CRYBG1: variants seen among roughly 807,000 people sequenced by gnomAD.
The protein encoded by CRYBG1 is crystallin beta-gamma domain containing 1.
Under a neutral mutation model 189.2 loss-of-function variants are expected in CRYBG1, and 139 were observed. The ratio of observed to expected loss-of-function variants is 0.73; its 90% CI spans 0.64 to 0.85. The LOEUF (loss-of-function observed/expected upper bound fraction) is 0.85. Ranked by LOEUF, CRYBG1 falls within the 40% of genes least tolerant of loss-of-function variation. CRYBG1 has a pLI of 0.00. For missense variants in CRYBG1, 2,611 were observed against 2,675.8 expected, an observed-to-expected ratio of 0.98 and a Z score of 0.53; for synonymous variants, 1,023 against 1,017.1, an observed-to-expected ratio of 1.01 and a Z score of -0.11.
intron 2 of CRYBG1, among the ~76,000 whole-genome samples, chr6:106,483,402 A>ATATATATGTATATATATAT (rs1361096436): frequency 1.1e-5 from 1 of 88,296 alleles, no homozygotes; most frequent in Admixed American, 1.3e-4. Context: ...ATATATATAT[A>ATATATATGTATATATATAT]AAACATTTTC....
At chr6:106,474,900 T>C (rs999586195) in intron 2 of CRYBG1, among the ~76,000 whole-genome samples, 6 of 152,212 alleles carry the variant, frequency 3.9e-5, no homozygotes, top group African/African-American at 1.4e-4. Context: ...TTTAAACATA[T>C]GGTATGTGAG....
At chr6:106,373,078 A>G (rs141895637) in intron 1 of CRYBG1, among the ~76,000 whole-genome samples, 108 of 152,200 alleles carry the variant, frequency 7.1e-4, no homozygotes, top group African/African-American at 2.3e-3. Flanking sequence ...GTAGGTACCC[A>G]TTTACTCTCA....
chr6:106,533,848 G>T (rs1773931022), intron 8 of CRYBG1, among the ~76,000 whole-genome samples: 2 of 152,216 alleles, frequency 1.3e-5, no homozygotes, highest in Admixed American at 1.3e-4. Flanking sequence ...TGAGGCTGGA[G>T]TTCAGGGGAG....
At chr6:106,482,823 A>G (rs1030582919) in intron 2 of CRYBG1, among the ~76,000 whole-genome samples, 3 of 151,680 alleles carry the variant, frequency 2.0e-5, no homozygotes, top group Non-Finnish European at 4.4e-5. Context: ...AATTCTTCCT[A>G]CCACAAATAT....
chr6:106,361,845 T>C (rs1419152154), intron 1 of CRYBG1, among the ~76,000 whole-genome samples: 1 of 152,168 alleles, frequency 6.6e-6, no homozygotes, highest in African/African-American at 2.4e-5. Context: ...TTTATAGTGA[T>C]GGACAATTGA....
chr6:106,444,098 T>C (rs971350600), intron 1 of CRYBG1, among the ~76,000 whole-genome samples: 2 of 152,200 alleles, frequency 1.3e-5, no homozygotes, highest in Non-Finnish European at 2.9e-5. Context: ...AAATACCCTC[T>C]TTTGCATTAT....
intron 1 of CRYBG1, among the ~76,000 whole-genome samples, chr6:106,405,632 G>A (rs900637380): frequency 1.3e-5 from 2 of 152,212 alleles, no homozygotes; most frequent in Non-Finnish European, 2.9e-5. Flanking sequence ...TCATACAGGA[G>A]AGCTCTGGCT....
At chr6:106,519,080 C>T (rs1773516341) in intron 3 of CRYBG1, 51 bp from the exon 4 acceptor site, 3 of 1,539,128 alleles carry the variant, frequency 1.9e-6, no homozygotes, top group South Asian at 1.3e-5. Flanking sequence ...TTTGTGTGTT[C>T]ACTTTTTAAA....
intron 2 of CRYBG1, among the ~76,000 whole-genome samples, chr6:106,497,813 G>A (rs1164879700): frequency 1.3e-5 from 2 of 152,208 alleles, no homozygotes; most frequent in African/African-American, 4.8e-5. Context: ...AGCTGAGGCT[G>A]GGCGCAGTGG....
At chr6:106,465,244 C>T (rs1048652628) in intron 2 of CRYBG1, among the ~76,000 whole-genome samples, 1 of 152,162 alleles carries the variant, frequency 6.6e-6, no homozygotes, top group African/African-American at 2.4e-5. Flanking sequence ...TATTACAGTG[C>T]CTGGCATATA....
intron 1 of CRYBG1, among the ~76,000 whole-genome samples, chr6:106,375,398 TAA>T (rs1770133674): frequency 5.3e-5 from 7 of 131,814 alleles, no homozygotes; most frequent in South Asian, 2.4e-4. Flanking sequence ...AGTAAGTAAG[TAA>T]GTAAGTAAGT....
At chr6:106,466,412 G>A (rs1021500051) in intron 2 of CRYBG1, among the ~76,000 whole-genome samples, 1 of 152,192 alleles carries the variant, frequency 6.6e-6, no homozygotes, top group African/African-American at 2.4e-5. Context: ...CATTCTGCCA[G>A]TGGCTTATCC....
chr6:106,440,777 G>A (rs62420832), intron 1 of CRYBG1, among the ~76,000 whole-genome samples: 15,865 of 152,216 alleles, frequency 0.1, 1,025 homozygotes, highest in Middle Eastern at 0.17. Flanking sequence ...GTTACAGCCT[G>A]TGAAAAATTC....
At position 106,511,853 on chromosome 6, in the gene CRYBG1, C is replaced by A. The variant is rs977032275; in HGVS notation, c.736C>A (p.Pro246Thr). ...TCTGGAGGCAGAGGGAGAGCCTTTC[C>A]CAGATGCCACCACCACTGCCAAGCA... ...EPLEAEGEPF[P>T]DATTTAKQLH... The change falls in exon 3 of 22, where the codon CCA (proline) becomes ACA (threonine). Residue 246 changes from proline (P) to threonine (T), a missense_variant. This residue lies in a region of CRYBG1 where 985 missense variants were observed against 924.4 expected (regional missense o/e 1.07). Coordinates refer to ENST00000633556, the MANE Select transcript of CRYBG1 (RefSeq NM_001371242.2). 1 of 1,514,518 alleles carries A rather than the reference C, an allele frequency of 6.6e-7. No individual in the cohort carries two copies. The highest frequency in any genetic ancestry group is 8.8e-7 in the Non-Finnish European group (1 of 1,133,700). The allele number at this position is 1,514,518 out of a possible 1,614,324, so 93.8% of individuals were successfully genotyped here.
At chr6:106,489,137 G>A (rs1256203889) in intron 2 of CRYBG1, among the ~76,000 whole-genome samples, 1 of 152,290 alleles carries the variant, frequency 6.6e-6, no homozygotes, top group East Asian at 1.9e-4. Context: ...CCTGATCCCA[G>A]CAAGGAGACA....
intron 1 of CRYBG1, among the ~76,000 whole-genome samples, chr6:106,376,695 A>G (rs1300946389): frequency 6.6e-6 from 1 of 152,032 alleles, no homozygotes; most frequent in Non-Finnish European, 1.5e-5. Context: ...ACCATTCCTT[A>G]GTGGTTTTCC....
intron 1 of CRYBG1, among the ~76,000 whole-genome samples, chr6:106,375,628 A>T (rs1303032145): frequency 6.6e-6 from 1 of 152,152 alleles, no homozygotes; most frequent in East Asian, 1.9e-4. Context: ...TCACTTGTTA[A>T]ATGTCCTGTC....
At chr6:106,441,646 C>T (rs1771569710) in intron 1 of CRYBG1, among the ~76,000 whole-genome samples, 1 of 152,134 alleles carries the variant, frequency 6.6e-6, no homozygotes, top group Non-Finnish European at 1.5e-5. Flanking sequence ...GTCTAGGAAG[C>T]CTTAAAGCAG....
At position 106,512,867 on chromosome 6, in the gene CRYBG1, C is replaced by G. The variant is rs1247624043; in HGVS notation, c.1750C>G (p.Pro584Ala). The G allele has an allele frequency of 6.3e-7, 1 of 1,591,338 alleles. No individual in the cohort carries two copies. Among genetic ancestry groups the G allele is most frequent in the African/African-American group, 1.3e-5 (1 of 74,410 alleles). ...KSSSLLPEIK[P>A]EHKRGPLPNH... is the part of the protein sequence containing the mutation. ...CAGCTCGCTGCTGCCGGAGATCAAG[C>G]CCGAGCACAAGAGGGGCCCGCTCCC... The change falls in exon 3 of 22, where the codon CCC (proline) becomes GCC (alanine). Residue 584 changes from proline to alanine, a missense_variant. Physicochemically the swap from Pro to Ala is conservative, Grantham distance 27. This residue lies in a region of CRYBG1 where 985 missense variants were observed against 924.4 expected (regional missense o/e 1.07). Coordinates refer to ENST00000633556, the MANE Select transcript of CRYBG1 (RefSeq NM_001371242.2).
Sources: gnomAD v4.1 joint callset for allele counts (sites outside exome capture counted in the v4.1 genomes callset) on GRCh38, gnomAD v4.1.1 for gene constraint, gnomAD v4.1.1 regional missense constraint, MANE v1.5 for transcripts, NCBI Gene and HGNC (gene_info 2026-07-23, HGNC 2026-07-21) for gene names.